The following ANK2 variants were observed in gnomAD, a reference collection of about 807,000 sequenced individuals.
The protein encoded by ANK2 is ankyrin 2.
ANK2 carries 83 observed loss-of-function variants against 360.5 expected under a neutral mutation model. The observed-to-expected ratio is 0.23, with a 90% CI of 0.19 to 0.28. The LOEUF is 0.28. ANK2 is among the 10% of genes least tolerant of loss of function. The pLI, the probability that ANK2 is intolerant of heterozygous loss-of-function variation, is 1.00. For synonymous variants in ANK2, 1,740 were observed against 1,759.5 expected (o/e 0.99, Z 0.28); for missense variants, 4,201 against 4,795.7 (o/e 0.88, Z 3.66).
intron 15 of ANK2, among the ~76,000 whole-genome samples, 199 bp from the exon 16 acceptor site, chr4:113,277,638 A>G (rs1312463097): frequency 6.6e-6 from 1 of 152,228 alleles, no homozygotes; most frequent in Non-Finnish European, 1.5e-5. Flanking sequence ...TCTTTTATTC[A>G]GTCTATCAAG....
At chr4:112,783,127 C>T in the ANK2 span, among the ~76,000 whole-genome samples, 1 of 152,080 alleles carries the variant, frequency 6.6e-6, no homozygotes, top group Non-Finnish European at 1.5e-5. Context: ...CCAGGCTGGT[C>T]TCGAGCTCCT....
At chr4:112,814,461 T>G (rs114325125), upstream of ANK2, among the ~76,000 whole-genome samples, 838 of 151,760 alleles carry the variant, frequency 5.5e-3, 8 homozygotes, top group African/African-American at 0.019. Context: ...TTGTTTGTTT[T>G]TTTGAGACAA....
At chr4:112,734,976 A>G in the ANK2 span, among the ~76,000 whole-genome samples, 2 of 152,208 alleles carry the variant, frequency 1.3e-5, no homozygotes, top group African/African-American at 4.8e-5. Context: ...TCATAATGTG[A>G]TCTTATCAAT....
chr4:113,359,439 C>T (rs2154031820), intron 38 of ANK2, 140 bp downstream of exon 38: 1 of 1,087,610 alleles, frequency 9.2e-7, no homozygotes, highest in South Asian at 1.5e-5. Context: ...TGTGTAAGCC[C>T]TTTGTGTTTT....
the ANK2 span, among the ~76,000 whole-genome samples, chr4:112,812,184 G>T: frequency 1.5e-5 from 2 of 133,690 alleles, no homozygotes; most frequent in Admixed American, 1.5e-4. Context: ...GTAAGGAATT[G>T]GTATAATAGT....
chr4:113,093,379 C>T lies in ANK2; in HGVS notation c.84+43567C>T, dbSNP rs555922263. Among the ~76,000 whole-genome samples, 5 of 151,926 alleles carry T rather than the reference C, an allele frequency of 3.3e-5. No homozygotes were observed. The South Asian group carries it at 8.3e-4, about 25-fold the overall frequency. On this transcript the variant is annotated intron_variant, in intron 1 of 45. Coordinates refer to ENST00000357077, the MANE Select transcript of ANK2 (RefSeq NM_001148.6). ...TATTTATTTTATTTATTTATTTATTCGAGATGGAGTCTTGCTCTGTCACCC... is the reference window on the plus strand; with the variant it reads ...TATTTATTTTATTTATTTATTTATTTGAGATGGAGTCTTGCTCTGTCACCC...
In ANK2 at chr4:113,369,761, C is replaced by A. The variant is rs2154067152; in HGVS notation, c.11566C>A (p.Pro3856Thr). 3.1e-6 allele frequency: 5 copies of A among 1,614,094 alleles called. No homozygotes were observed. In the South Asian group the frequency reaches 5.5e-5, roughly 18 times the overall value. The part of the protein sequence containing the change: ...LVIVESADNQ[P>T]ETCERLDEDA... ...AATAGTGGAGTCTGCCGATAACCAG[C>A]CTGAGACCTGTGAAAGACTCGATGA... Residue 3856 changes from proline (P) to threonine (T), a missense_variant, in exon 43 of 46, where the codon CCT becomes ACT. Coordinates refer to ENST00000357077, the MANE Select transcript of ANK2 (RefSeq NM_001148.6).
intron 2 of ANK2, among the ~76,000 whole-genome samples, chr4:112,985,558 A>G (rs917511012): frequency 1.3e-5 from 2 of 152,274 alleles, no homozygotes; most frequent in East Asian, 3.9e-4. Flanking sequence ...AGTGGTTCTC[A>G]TCTGAAGATT....
intron 1 of ANK2, among the ~76,000 whole-genome samples, chr4:113,082,146 A>C (rs1336194593): frequency 1.3e-5 from 2 of 152,192 alleles, no homozygotes; most frequent in Non-Finnish European, 2.9e-5. Flanking sequence ...TCTATTAATA[A>C]GATTTTACTG....
rs1319199934 is a variant in ANK2 at position 113,277,822 on chromosome 4, T to G, written c.1684-15T>G. ...ACAATAAATACGATTTTACTTTTGT[T>G]TCTCACATTTTCAGAAGGGTTTTAC... On this transcript the variant is annotated splice_polypyrimidine_tract_variant and intron_variant, in intron 15 of 45. Coordinates refer to ENST00000357077, the MANE Select transcript of ANK2 (RefSeq NM_001148.6). The G allele has an allele frequency of 1.9e-6, 3 of 1,593,792 alleles. No homozygotes were observed. The highest frequency in any genetic ancestry group is 2.2e-5 in the South Asian group (2 of 90,648).
intron 4 of ANK2, among the ~76,000 whole-genome samples, chr4:113,228,109 A>C (rs2099247275): frequency 6.6e-6 from 1 of 152,220 alleles, no homozygotes; most frequent in African/African-American, 2.4e-5. Flanking sequence ...GCTCTAACCA[A>C]GATCTTGAAT....
At chr4:112,939,834 G>A (rs767588773) in intron 2 of ANK2, among the ~76,000 whole-genome samples, 1 of 152,096 alleles carries the variant, frequency 6.6e-6, no homozygotes, top group African/African-American at 2.4e-5. Flanking sequence ...ATTACTATAA[G>A]TAGCAACTAT....
chr4:112,965,813 C>T (rs969533571), intron 2 of ANK2, among the ~76,000 whole-genome samples: 6 of 151,852 alleles, frequency 4.0e-5, no homozygotes, highest in African/African-American at 9.7e-5. Context: ...TCTCTATTCT[C>T]GATGATATTT....
intron 4 of ANK2, among the ~76,000 whole-genome samples, chr4:113,226,138 T>C (rs1428049329): frequency 6.6e-6 from 1 of 152,196 alleles, no homozygotes; most frequent in East Asian, 1.9e-4. Flanking sequence ...AACAAAAACC[T>C]GCTTTCCACT....
rs774686566 is a variant in ANK2 at position 113,122,216 on chromosome 4, G to A, written c.85-52200G>A. 2.5e-4 allele frequency among the ~76,000 whole-genome samples: 38 copies of A among 152,166 alleles called. 2 individuals carry two copies. The highest frequency in any genetic ancestry group is 6.8e-3 in the Middle Eastern group (2 of 294). ...GCATGCTTTCCCTGGTGGTCTGTGG[G>A]TAAAGACTGCAGTGTAGGAGGAGAT... On this transcript the variant is annotated intron_variant, in intron 1 of 45. Transcript: ENST00000357077.
intron 2 of ANK2, among the ~76,000 whole-genome samples, chr4:112,998,166 C>T (rs2049310246): frequency 6.6e-6 from 1 of 151,872 alleles, no homozygotes; most frequent in Admixed American, 6.6e-5. Flanking sequence ...CTTAGATAAC[C>T]CAGTGGCAAT....
Position 113,340,990 on chromosome 4 carries a change from TAA to T in ANK2, c.3894-696_3894-695del, listed in dbSNP as rs1350712944. ...AGGGCCTGTGGTGAGGGATGAAGCTTAAAGAGTGTCATAAGATTTAGTAACGT... is the reference window on the plus strand; with the variant it reads ...AGGGCCTGTGGTGAGGGATGAAGCTTAGAGTGTCATAAGATTTAGTAACGT... On this transcript the variant is annotated intron_variant, in intron 32 of 45. Coordinates refer to ENST00000357077, the MANE Select transcript of ANK2 (RefSeq NM_001148.6). 2.0e-5 allele frequency among the ~76,000 whole-genome samples: 3 copies of T among 152,322 alleles called. No individual in the cohort carries two copies. In the East Asian group the frequency reaches 5.8e-4, roughly 29 times the overall value.
At chr4:112,986,905 A>T (rs149809397) in intron 2 of ANK2, among the ~76,000 whole-genome samples, 10 of 152,306 alleles carry the variant, frequency 6.6e-5, no homozygotes, top group African/African-American at 2.2e-4. Flanking sequence ...CACACATGGC[A>T]TATATCCAAT....
chr4:113,346,653 G>A (rs2094892468), intron 35 of ANK2, among the ~76,000 whole-genome samples: 1 of 152,140 alleles, frequency 6.6e-6, no homozygotes, highest in South Asian at 2.1e-4. Flanking sequence ...TTCAAGGGCA[G>A]CTTAGGCAAC....
Sources: allele counts gnomAD v4.1 joint callset (sites outside exome capture counted in the v4.1 genomes callset), GRCh38; gene constraint gnomAD v4.1.1; transcripts MANE v1.5; gene names NCBI Gene and HGNC (gene_info 2026-07-23, HGNC 2026-07-21).